Variants in BTRC observed in about 807,000 individuals in gnomAD.
BTRC encodes the protein F-box/WD repeat-containing protein 1A.
A neutral mutation model predicts 85.5 loss-of-function variants in BTRC; 42 were observed. The observed-to-expected ratio is 0.49, with a 90% CI of 0.38 to 0.64. The LOEUF is 0.64. BTRC is among the 30% of genes least tolerant of loss of function. The pLI is 0.00. For missense variants in BTRC, 594 were observed against 743.5 expected (o/e 0.80, Z 2.34); for synonymous variants, 255 against 263.3 (o/e 0.97, Z 0.30).
chr10:101,417,653 T>C (rs1943982759), intron 1 of BTRC, among the ~76,000 whole-genome samples: 2 of 152,200 alleles, frequency 1.3e-5, no homozygotes, highest in South Asian at 2.1e-4. Context: ...TCCTCCTCCT[T>C]ATCAAACTTA....
At chr10:101,497,087 A>G (rs368052088) in intron 4 of BTRC, among the ~76,000 whole-genome samples, 1 of 152,142 alleles carries the variant, frequency 6.6e-6, no homozygotes, top group African/African-American at 2.4e-5. Flanking sequence ...ATTTTTGTAT[A>G]TGATGCGTGG....
At chr10:101,523,193 G>A (rs2062144572) in intron 5 of BTRC, among the ~76,000 whole-genome samples, 1 of 152,198 alleles carries the variant, frequency 6.6e-6, no homozygotes. Flanking sequence ...GACAGGGCGA[G>A]ACTCCATCTC....
intron 1 of BTRC, among the ~76,000 whole-genome samples, chr10:101,427,372 T>C (rs944686678): frequency 1.3e-5 from 2 of 151,906 alleles, no homozygotes; most frequent in South Asian, 2.1e-4. Flanking sequence ...CACCTTGGCC[T>C]CCCAAAGTGC....
chr10:101,502,714 C>T (rs536337824), intron 4 of BTRC, among the ~76,000 whole-genome samples: 2 of 152,260 alleles, frequency 1.3e-5, no homozygotes, highest in African/African-American at 4.8e-5. Flanking sequence ...TCACAAAAAG[C>T]AATACCCACC....
rs757346376 is a variant in BTRC at position 101,555,774 on chromosome 10, T to C, written c.*2651T>C. On this transcript the variant is annotated 3_prime_UTR_variant, in exon 15 of 15. Coordinates refer to ENST00000370187, the MANE Select transcript of BTRC (RefSeq NM_033637.4). ...GGAGTGGTAGAAACAGAGCTGAAGGTGTCCCCATTGTAGATTAGTCTCTTC... is the reference window on the plus strand; with the variant it reads ...GGAGTGGTAGAAACAGAGCTGAAGGCGTCCCCATTGTAGATTAGTCTCTTC... The C allele has an allele frequency of 1.2e-4, 19 of 152,452 alleles. No homozygotes were observed. The highest frequency in any genetic ancestry group is 2.4e-4 in the Non-Finnish European group (16 of 68,044). The allele number at this position is 152,452 out of a possible 1,614,324, so 9.4% of individuals were successfully genotyped here.
chr10:101,459,890 AGAG>A (rs1945179209), intron 2 of BTRC, among the ~76,000 whole-genome samples: 1 of 152,208 alleles, frequency 6.6e-6, no homozygotes, highest in East Asian at 1.9e-4. Flanking sequence ...AATTCAGTAT[AGAG>A]GAGTTTGCCA....
At chr10:101,469,587 T>C (rs936976954) in intron 3 of BTRC, among the ~76,000 whole-genome samples, 7 of 152,204 alleles carry the variant, frequency 4.6e-5, no homozygotes, top group African/African-American at 1.7e-4. Flanking sequence ...CAAACCTCTG[T>C]AAAAAATTTA....
intron 2 of BTRC, among the ~76,000 whole-genome samples, chr10:101,452,487 T>C (rs1220652778): frequency 1.3e-5 from 2 of 152,232 alleles, no homozygotes; most frequent in Admixed American, 6.5e-5. Context: ...GCATAAAAAA[T>C]AGTTGTTCTT....
chr10:101,437,461 T>C (rs1944561917), intron 2 of BTRC, among the ~76,000 whole-genome samples: 1 of 152,232 alleles, frequency 6.6e-6, no homozygotes, highest in Admixed American at 6.5e-5. Flanking sequence ...TTTTTAAGTA[T>C]TTTATTACAT....
chr10:101,545,881 G>T (rs193046049), intron 13 of BTRC, among the ~76,000 whole-genome samples: 1 of 152,184 alleles, frequency 6.6e-6, no homozygotes, highest in Non-Finnish European at 1.5e-5. Flanking sequence ...ATAAAGAGAA[G>T]TGTTGTATAA....
At chr10:101,491,979 T>A (rs1053726109) in intron 4 of BTRC, among the ~76,000 whole-genome samples, 2 of 152,054 alleles carry the variant, frequency 1.3e-5, no homozygotes, top group African/African-American at 4.8e-5. Context: ...GTTTTTTTTT[T>A]AACTCCCTGG....
intron 4 of BTRC, among the ~76,000 whole-genome samples, chr10:101,499,654 CT>C (rs1946354335): frequency 1.3e-5 from 2 of 151,656 alleles, no homozygotes; most frequent in African/African-American, 4.9e-5. Context: ...TGTCACACCC[CT>C]AACCCCCATT....
chr10:101,458,212 A>G (rs566034294), intron 2 of BTRC, among the ~76,000 whole-genome samples: 18 of 152,336 alleles, frequency 1.2e-4, no homozygotes, highest in African/African-American at 3.8e-4. Context: ...AGTATTTACA[A>G]CAACATGAGT....
At chr10:101,485,418 G>A (rs1023106583) in intron 4 of BTRC, among the ~76,000 whole-genome samples, 3 of 152,224 alleles carry the variant, frequency 2.0e-5, no homozygotes, top group Admixed American at 2.0e-4. Flanking sequence ...GATTAGGCAC[G>A]TTGGCCATCA....
intron 2 of BTRC, among the ~76,000 whole-genome samples, chr10:101,460,414 C>T (rs1945193857): frequency 6.6e-6 from 1 of 151,846 alleles, no homozygotes. Flanking sequence ...TCCTTTTTTT[C>T]CAAACAGGGA....
chr10:101,429,880 AC>A (rs1465098774), intron 1 of BTRC, among the ~76,000 whole-genome samples: 4 of 150,632 alleles, frequency 2.7e-5, no homozygotes, highest in Non-Finnish European at 3.0e-5. Context: ...AAAAAAAAAA[AC>A]TCTCTTAACT....
intron 4 of BTRC, among the ~76,000 whole-genome samples, chr10:101,480,121 T>C (rs969328140): frequency 5.9e-5 from 9 of 152,266 alleles, no homozygotes; most frequent in Non-Finnish European, 1.3e-4. Flanking sequence ...GAATAAGTAC[T>C]ATTAAGTATG....
intron 1 of BTRC, chr10:101,354,577 G>T (rs1941977689): frequency 6.1e-6 from 2 of 325,862 alleles, no homozygotes; most frequent in South Asian, 4.8e-5. Context: ...CCGTGAGGCC[G>T]CTGGCGGGGC....
At chr10:101,474,246 A>G (rs1165372559) in intron 3 of BTRC, among the ~76,000 whole-genome samples, 1 of 152,156 alleles carries the variant, frequency 6.6e-6, no homozygotes, top group Non-Finnish European at 1.5e-5. Context: ...CTCTGATTAA[A>G]TTACTGGCTG....
Sources: gnomAD v4.1 joint callset for allele counts (sites outside exome capture counted in the v4.1 genomes callset) on GRCh38, gnomAD v4.1.1 for gene constraint, MANE v1.5 for transcripts, NCBI Gene and HGNC (gene_info 2026-07-23, HGNC 2026-07-21) for gene names.